Variants in MAPKAPK3 observed in about 807,000 individuals in gnomAD.
MAPKAPK3 encodes the protein MAPK activated protein kinase 3.
A neutral mutation model predicts 49.2 loss-of-function variants in MAPKAPK3; 35 were observed. The observed-to-expected ratio is 0.71, with a 90% CI of 0.54 to 0.94. The LOEUF (loss-of-function observed/expected upper bound fraction) is 0.94, where lower values mean the gene tolerates loss of function less well. Among genes scored for constraint, MAPKAPK3 ranks in the 40% least tolerant of loss-of-function variants. The pLI is 0.00. For missense variants in MAPKAPK3, 398 were observed against 493.1 expected (o/e 0.81, Z 1.83); for synonymous variants, 178 against 188.7 (o/e 0.94, Z 0.46).
At chr3:50,612,637 G>A (rs1001644100), upstream of MAPKAPK3, 2 of 151,988 alleles carry the variant, frequency 1.3e-5, no homozygotes, top group Non-Finnish European at 2.9e-5. Flanking sequence ...TGCCAGTCAG[G>A]GGAGAAGAGA....
Position 50,641,729 on chromosome 3 carries a change from A to G in MAPKAPK3, c.382A>G (p.Ser128Gly). The G allele has an allele frequency of 6.2e-7, 1 of 1,614,148 alleles. No individual in the cohort carries two copies. The highest frequency in any genetic ancestry group is 8.5e-7 in the Non-Finnish European group (1 of 1,179,992). The change falls in exon 4 of 11, where the codon AGC (serine) becomes GGC (glycine). Residue 128 changes from serine to glycine, a missense_variant. Transcript: ENST00000621469. Reference protein sequence around the residue: ...MECMEGGELFSRIQERGDQAF... With the variant: ...MECMEGGELFGRIQERGDQAF... ...CAGCATGGAAGGTGGTGAGTTGTTC[A>G]GCAGGATTCAGGAGCGTGGCGACCA...
chr3:50,621,218 G>T (rs888846313), intron 2 of MAPKAPK3, among the ~76,000 whole-genome samples: 96 of 152,200 alleles, frequency 6.3e-4, no homozygotes, highest in Non-Finnish European at 1.2e-3. Flanking sequence ...AGCACTTTGG[G>T]AGGCTGAGGC....
In MAPKAPK3 at chr3:50,646,872, G is replaced by A; in HGVS notation, c.915+47G>A. The A allele has an allele frequency of 2.5e-6, 4 of 1,581,818 alleles. 1 individual carries two copies. Among genetic ancestry groups the A allele is most frequent in the Non-Finnish European group, 3.5e-6 (4 of 1,151,304 alleles). On this transcript the variant is annotated intron_variant, in intron 9 of 10. Transcript: ENST00000621469. ...GGCAGGCAGGGTGTCCAACAGGAGTGGGGCTGCCGGGCAGGAGGGTGGTGG... is the reference window on the plus strand; with the variant it reads ...GGCAGGCAGGGTGTCCAACAGGAGTAGGGCTGCCGGGCAGGAGGGTGGTGG...
upstream of MAPKAPK3, among the ~76,000 whole-genome samples, chr3:50,615,385 A>G (rs891059490): frequency 1.3e-5 from 2 of 152,178 alleles, no homozygotes; most frequent in African/African-American, 2.4e-5. Flanking sequence ...TACGTGTTAT[A>G]TGCATGTGTG....
At chr3:50,639,196 C>A (rs1484329523) in intron 2 of MAPKAPK3, among the ~76,000 whole-genome samples, 1 of 152,192 alleles carries the variant, frequency 6.6e-6, no homozygotes, top group African/African-American at 2.4e-5. Context: ...TGCTATTATA[C>A]CATTTTACAG....
chr3:50,643,911 C>A (rs919999391), intron 5 of MAPKAPK3, among the ~76,000 whole-genome samples: 1 of 152,140 alleles, frequency 6.6e-6, no homozygotes, highest in Non-Finnish European at 1.5e-5. Flanking sequence ...CCTGGCTACT[C>A]CTGGGACACA....
Position 50,644,552 on chromosome 3 carries a change from G to A in MAPKAPK3, c.628+20G>A, listed in dbSNP as rs1304984500. 6.2e-7 allele frequency: 1 copy of A among 1,613,430 alleles called. No individual in the cohort carries two copies. Among genetic ancestry groups the A allele is most frequent in the Admixed American group, 1.7e-5 (1 of 60,016 alleles). On this transcript the variant is annotated intron_variant, in intron 6 of 10. Transcript: ENST00000621469. ...ATGTGGGTGAGTCCTTCGGACATGA[G>A]TTGTAACTCCTCACCCCAACTTATA... is the stretch of plus-strand genomic sequence containing the variant.
intron 2 of MAPKAPK3, among the ~76,000 whole-genome samples, chr3:50,626,082 C>CG (rs748224040): frequency 2.2e-4 from 33 of 151,748 alleles, no homozygotes; most frequent in Non-Finnish European, 4.1e-4. Flanking sequence ...CCCCCGCCAC[C>CG]CCCCCATGGC....
At chr3:50,624,278 CGTGT>C (rs67821486) in intron 2 of MAPKAPK3, among the ~76,000 whole-genome samples, 59 of 150,012 alleles carry the variant, frequency 3.9e-4, no homozygotes, top group Middle Eastern at 3.5e-3. Flanking sequence ...TGTGCACTCA[CGTGT>C]GTGTGTGTGT....
Position 50,642,298 on chromosome 3 carries a change from T to G in MAPKAPK3, c.470T>G (p.Leu157Arg), listed in dbSNP as rs746022177. The part of the protein sequence containing the change: ...MRDIGTAIQF[L>R]HSHNIAHRDV... Reference sequence around the variant, plus strand: ...GATATTGGCACTGCCATCCAGTTTCTGCACAGCCATAACATTGCCCACCGA... The same window carrying G: ...GATATTGGCACTGCCATCCAGTTTCGGCACAGCCATAACATTGCCCACCGA... The change falls in exon 5 of 11, where the codon CTG becomes CGG. Residue 157 changes from leucine (L) to arginine (R), a missense_variant. Transcript: ENST00000621469. 1.2e-6 allele frequency: 2 copies of G among 1,613,190 alleles called. No individual in the cohort carries two copies. Among genetic ancestry groups the G allele is most frequent in the Non-Finnish European group, 8.5e-7 (1 of 1,179,908 alleles).
At chr3:50,613,944 C>T (rs569006069), upstream of MAPKAPK3, 7 of 152,364 alleles carry the variant, frequency 4.6e-5, no homozygotes, top group Non-Finnish European at 8.8e-5. Context: ...TTAAGGTCCT[C>T]AGTGAAGCTT....
Position 50,644,554 on chromosome 3 carries a change from T to C in MAPKAPK3, c.628+22T>C, listed in dbSNP as rs749078872. The C allele has an allele frequency of 6.2e-6, 10 of 1,613,158 alleles. No individual in the cohort carries two copies. In the East Asian group the frequency reaches 2.2e-4, roughly 36 times the overall value. The stretch of plus-strand genomic sequence containing the variant: ...GTGGGTGAGTCCTTCGGACATGAGT[T>C]GTAACTCCTCACCCCAACTTATACA... On this transcript the variant is annotated intron_variant, in intron 6 of 10. Coordinates refer to ENST00000621469, the MANE Select transcript of MAPKAPK3 (RefSeq NM_001243925.2).
chr3:50,637,706 AG>A (rs1404765638), intron 2 of MAPKAPK3, among the ~76,000 whole-genome samples: 3 of 149,142 alleles, frequency 2.0e-5, no homozygotes, highest in Admixed American at 6.7e-5. Context: ...AGAGAGAGAG[AG>A]AGAGAGAGAG....
At chr3:50,632,651 G>A (rs191813343) in intron 2 of MAPKAPK3, among the ~76,000 whole-genome samples, 30 of 152,360 alleles carry the variant, frequency 2.0e-4, no homozygotes, top group Admixed American at 9.8e-4. Context: ...TTACTGCCTC[G>A]TTGATGGGAG....
At chr3:50,613,174 T>C (rs2032380353), upstream of MAPKAPK3, among the ~76,000 whole-genome samples, 1 of 148,602 alleles carries the variant, frequency 6.7e-6, no homozygotes, top group African/African-American at 2.5e-5. Flanking sequence ...CAGAAAGGAG[T>C]CTAGCTCTGA....
rs650473 is a variant in MAPKAPK3, at chr3:50,631,173, C to A, written c.220-9193C>A. Among the ~76,000 whole-genome samples the A allele has an allele frequency of 2.6e-5, 4 of 152,214 alleles. No individual in the cohort carries two copies. In the South Asian group the frequency reaches 6.2e-4, roughly 24 times the overall value. Reference sequence around the variant, plus strand: ...CATAGCTGCAAAATTGGTTCCATTACCTCCTTTAATGAGCTACGAAAGCTC... The same window carrying A: ...CATAGCTGCAAAATTGGTTCCATTAACTCCTTTAATGAGCTACGAAAGCTC... On this transcript the variant is annotated intron_variant, in intron 2 of 10. Transcript: ENST00000621469.
chr3:50,642,435 CT>C, intron 5 of MAPKAPK3, 103 bp downstream of exon 5: 4 of 821,064 alleles, frequency 4.9e-6, no homozygotes, highest in East Asian at 2.5e-5. Flanking sequence ...GCCATGTTCC[CT>C]AGTCACATTC....
At chr3:50,632,901 G>A (rs544224010) in intron 2 of MAPKAPK3, among the ~76,000 whole-genome samples, 1 of 152,356 alleles carries the variant, frequency 6.6e-6, no homozygotes, top group Admixed American at 6.5e-5. Context: ...GCTGGATGGG[G>A]ACACCCATGT....
At chr3:50,646,676 G>T in intron 8 of MAPKAPK3, 64 bp from the exon 9 acceptor site, 1 of 1,443,914 alleles carries the variant, frequency 6.9e-7, no homozygotes, top group South Asian at 1.2e-5. Flanking sequence ...TGTGGTCTGT[G>T]GGGAAGGGTG....
Sources: gnomAD v4.1 joint callset for allele counts (sites outside exome capture counted in the v4.1 genomes callset) on GRCh38, gnomAD v4.1.1 for gene constraint, MANE v1.5 for transcripts, NCBI Gene and HGNC (gene_info 2026-07-23, HGNC 2026-07-21) for gene names.